The following UTS2 variants were observed in gnomAD, a reference collection of about 807,000 sequenced individuals.
UTS2 encodes urotensin-2.
In UTS2, 10 loss-of-function variants were observed where a neutral mutation model predicts 12.6. That is an observed-to-expected ratio of 0.80 (90% CI 0.49 to 1.35). The LOEUF (loss-of-function observed/expected upper bound fraction) is 1.35. UTS2 is among the 40% of genes most tolerant of loss of function. The pLI is 0.00. For synonymous variants in UTS2, 52 were observed against 50.0 expected (o/e 1.04, Z -0.17); for missense variants, 142 against 143.2 (o/e 0.99, Z 0.04).
At chr1:7,886,804 G>A in the UTS2 span, among the ~76,000 whole-genome samples, 1 of 152,172 alleles carries the variant, frequency 6.6e-6, no homozygotes, top group African/African-American at 2.4e-5. Context: ...TGTAATGCCA[G>A]CACTTTGGGA....
chr1:7,890,210 A>C, the UTS2 span, among the ~76,000 whole-genome samples: 8 of 152,146 alleles, frequency 5.3e-5, no homozygotes, highest in Non-Finnish European at 7.3e-5. Context: ...TGAAAATAAT[A>C]AAAACAAAAT....
chr1:7,884,402 A>G, the UTS2 span, among the ~76,000 whole-genome samples: 3 of 151,542 alleles, frequency 2.0e-5, no homozygotes, highest in African/African-American at 4.9e-5. Context: ...TCCGGATTCA[A>G]ATGATCCTCC....
chr1:7,910,718 T>C, the UTS2 span, among the ~76,000 whole-genome samples: 1 of 152,126 alleles, frequency 6.6e-6, no homozygotes, highest in Non-Finnish European at 1.5e-5. Context: ...AGAATATTTT[T>C]TGTTTGTTTG....
chr1:7,873,476 T>C, the UTS2 span, among the ~76,000 whole-genome samples: 1 of 152,182 alleles, frequency 6.6e-6, no homozygotes, highest in Admixed American at 6.5e-5. Context: ...AAACAGGAGT[T>C]TGAAAGAAGT....
chr1:7,868,240 A>C, the UTS2 span, among the ~76,000 whole-genome samples: 1 of 152,180 alleles, frequency 6.6e-6, no homozygotes, highest in African/African-American at 2.4e-5. Context: ...GTTTCACAGC[A>C]GAGTCGCTAC....
the UTS2 span, among the ~76,000 whole-genome samples, chr1:7,859,309 T>C: frequency 1.3e-5 from 2 of 152,240 alleles, no homozygotes; most frequent in Non-Finnish European, 2.9e-5. Flanking sequence ...ATTTCGTTTC[T>C]AGTCACCTAT....
chr1:7,872,083 T>C, the UTS2 span, among the ~76,000 whole-genome samples: 1 of 151,762 alleles, frequency 6.6e-6, no homozygotes, highest in Non-Finnish European at 1.5e-5. Flanking sequence ...GGGTGGATCA[T>C]GAGGTCAAGA....
chr1:7,886,777 G>A, the UTS2 span, among the ~76,000 whole-genome samples: 10 of 152,186 alleles, frequency 6.6e-5, no homozygotes, highest in African/African-American at 1.7e-4. Context: ...GCTCGGCCAG[G>A]CATGGTGGCT....
the UTS2 span, among the ~76,000 whole-genome samples, chr1:7,862,990 GTTGTAT>G: frequency 2.4e-5 from 1 of 41,356 alleles, no homozygotes. Flanking sequence ...ATTGTGTTGT[GTTGTAT>G]TGTATTGTAT....
At chr1:7,861,503 C>G in the UTS2 span, among the ~76,000 whole-genome samples, 1 of 152,248 alleles carries the variant, frequency 6.6e-6, no homozygotes, top group African/African-American at 2.4e-5. Flanking sequence ...CTGGAAGACG[C>G]TCTGGCGTCA....
the UTS2 span, among the ~76,000 whole-genome samples, chr1:7,906,473 A>AAGAAAGAAAGAAAG: frequency 8.1e-5 from 12 of 148,280 alleles, no homozygotes; most frequent in African/African-American, 2.8e-4. Flanking sequence ...GAAAGAAAGA[A>AAGAAAGAAAGAAAG]AGAAAGAAAG....
At chr1:7,912,498 T>G in the UTS2 span, among the ~76,000 whole-genome samples, 621 of 152,276 alleles carry the variant, frequency 4.1e-3, 2 homozygotes, top group African/African-American at 0.014. Flanking sequence ...CTGTTGCCCA[T>G]GCTGGAGTGC....
At chr1:7,911,243 G>A in the UTS2 span, among the ~76,000 whole-genome samples, 1 of 152,096 alleles carries the variant, frequency 6.6e-6, no homozygotes. Flanking sequence ...CAGGATGTGT[G>A]ATCATAATTG....
intron 3 of UTS2, among the ~76,000 whole-genome samples, chr1:7,848,636 C>T (rs1031235764): frequency 2.6e-5 from 4 of 152,060 alleles, no homozygotes; most frequent in African/African-American, 9.7e-5. Flanking sequence ...CCTCCTGCAC[C>T]AGCCTCCCGA....
the UTS2 span, among the ~76,000 whole-genome samples, chr1:7,879,844 A>G: frequency 6.6e-6 from 1 of 152,228 alleles, no homozygotes; most frequent in South Asian, 2.1e-4. Flanking sequence ...GGAAGTTTAT[A>G]GCAATAAATG....
upstream of UTS2, among the ~76,000 whole-genome samples, chr1:7,854,740 G>A (rs1028012744): frequency 1.3e-5 from 2 of 151,972 alleles, no homozygotes; most frequent in Non-Finnish European, 1.5e-5. Flanking sequence ...TCTAAAAATC[G>A]ATTTTGTGTT....
the UTS2 span, among the ~76,000 whole-genome samples, chr1:7,859,033 AAT>A: frequency 1.3e-5 from 2 of 152,140 alleles, no homozygotes; most frequent in South Asian, 4.2e-4. Context: ...ATCTGTGAGG[AAT>A]ATGTTTGTGT....
chr1:7,872,327 A>AAAAAAAAAGAAAAAG, the UTS2 span, among the ~76,000 whole-genome samples: 1 of 143,394 alleles, frequency 7.0e-6, no homozygotes, highest in African/African-American at 2.6e-5. Flanking sequence ...AAAGGAAAAG[A>AAAAAAAAAGAAAAAG]AAAAAAAAGA....
the UTS2 span, among the ~76,000 whole-genome samples, chr1:7,876,544 C>T: frequency 9.2e-5 from 14 of 152,246 alleles, no homozygotes; most frequent in South Asian, 6.2e-4. Context: ...TGCTGGCACC[C>T]GCAAAAGTCA....
Sources: allele counts gnomAD v4.1 joint callset (sites outside exome capture counted in the v4.1 genomes callset), GRCh38; gene constraint gnomAD v4.1.1; transcripts MANE v1.5; gene names NCBI Gene and HGNC (gene_info 2026-07-23, HGNC 2026-07-21).